Variants in IRS1 observed in about 807,000 individuals in gnomAD.
IRS1 encodes the protein insulin receptor substrate 1.
A neutral mutation model predicts 65.6 loss-of-function variants in IRS1; 34 were observed. The observed-to-expected ratio is 0.52, with a 90% confidence interval of 0.39 to 0.69. IRS1 has a LOEUF of 0.69. IRS1 is among the 30% of genes least tolerant of loss of function. IRS1 has a pLI of 0.00. For synonymous variants in IRS1, 699 were observed against 683.5 expected (o/e 1.02, Z -0.35); for missense variants, 1,641 against 1,720.2 (o/e 0.95, Z 0.81).
intron 1 of IRS1, among the ~76,000 whole-genome samples, chr2:226,742,082 C>A (rs745553206): frequency 6.6e-6 from 1 of 152,142 alleles, no homozygotes; most frequent in Admixed American, 6.5e-5. Flanking sequence ...GCGCTATTAA[C>A]TATGGTCATA....
chr2:226,799,548 G>A lies in IRS1; in HGVS notation c.-810C>T, dbSNP rs903693448. 1.9e-6 allele frequency: 2 copies of A among 1,071,836 alleles called. No individual in the cohort carries two copies. The highest frequency in any genetic ancestry group is 2.3e-6 in the Non-Finnish European group (2 of 871,456). 66.4% of individuals were successfully genotyped at this position (1,071,836 alleles called of 1,614,324 possible). A position where few individuals can be genotyped will look rare whatever the true frequency, so the allele number is the denominator to read the frequency against. On this transcript the variant is annotated 5_prime_UTR_variant, in exon 1 of 2. Transcript: ENST00000305123. The surrounding 1 kb of genome is among the most constrained non-coding windows in gnomAD (Gnocchi z 6.1). ...TCCCTGCCCCTCGCTCCAGGCGGCT[G>A]GGGAGGAGGGGAGGGGACAAGGGCG...
At chr2:226,737,020 C>T (rs1192469754) in intron 1 of IRS1, among the ~76,000 whole-genome samples, 1 of 151,626 alleles carries the variant, frequency 6.6e-6, no homozygotes, top group Non-Finnish European at 1.5e-5. Context: ...TATACATGTG[C>T]CATGCTGGTG....
chr2:226,786,622 T>G (rs1041129805), intron 1 of IRS1, among the ~76,000 whole-genome samples: 2 of 149,428 alleles, frequency 1.3e-5, no homozygotes, highest in Non-Finnish European at 3.0e-5. Flanking sequence ...GAAGCCTTAT[T>G]TTTCACTCTC....
intron 1 of IRS1, among the ~76,000 whole-genome samples, chr2:226,749,897 A>T (rs1938638973): frequency 6.6e-6 from 1 of 152,186 alleles, no homozygotes; most frequent in South Asian, 2.1e-4. Flanking sequence ...GCCATCAAAA[A>T]GTCTCAGGCC....
At chr2:226,739,473 G>A (rs765997198) in intron 1 of IRS1, among the ~76,000 whole-genome samples, 23 of 152,210 alleles carry the variant, frequency 1.5e-4, no homozygotes, top group Admixed American at 2.6e-4. Context: ...ATAGCAGCCA[G>A]TCTTAGCCCT....
chr2:226,782,965 A>G (rs1297224942), intron 1 of IRS1, among the ~76,000 whole-genome samples: 1 of 152,226 alleles, frequency 6.6e-6, no homozygotes, highest in Non-Finnish European at 1.5e-5. Context: ...ACACCACTGC[A>G]TGCCAGCCTG....
In IRS1 at chr2:226,798,829, T is replaced by G. The variant is rs942150215; in HGVS notation, c.-91A>C. On this transcript the variant is annotated 5_prime_UTR_variant, in exon 1 of 2. It removes an upstream start codon present in the reference 5' UTR. Transcript: ENST00000305123. This position sits in a 1 kb window ranked among gnomAD's most constrained non-coding sequence, Gnocchi z 9.4. Reference sequence around the variant, plus strand: ...AGGCTCCTCGCCGCGGCCCGGCACATGCAAACAGGGCTGGAGGCAGCAGAA... The same window carrying G: ...AGGCTCCTCGCCGCGGCCCGGCACAGGCAAACAGGGCTGGAGGCAGCAGAA... The G allele has an allele frequency of 1.9e-5, 29 of 1,548,672 alleles. No individual in the cohort carries two copies. The South Asian group carries it at 3.0e-4, about 16-fold the overall frequency.
In IRS1 at chr2:226,797,291, T is replaced by C; in HGVS notation, c.1448A>G (p.Tyr483Cys). 1 of 1,613,364 alleles carries C rather than the reference T, an allele frequency of 6.2e-7. No homozygotes were observed. The highest frequency in any genetic ancestry group is 8.5e-7 in the Non-Finnish European group (1 of 1,179,946). The part of the protein sequence containing the change: ...PSTLTAPNGH[Y>C]ILSRGGNGHR... ...GCCATTGCCACCCCGAGACAAAATG[T>C]AGTGACCGTTGGGGGCGGTCAGGGT... Residue 483 changes from tyrosine (Y) to cysteine (C), a missense_variant, in exon 1 of 2, where the codon TAC becomes TGC. By Grantham distance (194) the Tyr-to-Cys change is radical. Coordinates refer to ENST00000305123, the MANE Select transcript of IRS1 (RefSeq NM_005544.3). This position sits in a 1 kb window ranked among gnomAD's most constrained non-coding sequence, Gnocchi z 8.1.
chr2:226,759,292 G>A (rs568878723), intron 1 of IRS1, among the ~76,000 whole-genome samples: 4 of 152,188 alleles, frequency 2.6e-5, no homozygotes, highest in Non-Finnish European at 5.9e-5. Context: ...AAAGGAAAAC[G>A]TTTAGTCTGG....
At position 226,797,321 on chromosome 2, in the gene IRS1, G is replaced by A; in HGVS notation, c.1418C>T (p.Pro473Leu). 6.2e-7 allele frequency: 1 copy of A among 1,613,448 alleles called. No individual in the cohort carries two copies. The highest frequency in any genetic ancestry group is 8.5e-7 in the Non-Finnish European group (1 of 1,179,980). ...ACCGTTGGGGGCGGTCAGGGTGGAG[G>A]GCCCCTTGCCACCCATGCAGATATA... The part of the protein sequence containing the change: ...SNYICMGGKG[P>L]STLTAPNGHY... The change falls in exon 1 of 2, where the codon CCC (proline) becomes CTC (leucine). Residue 473 changes from proline (P) to leucine (L), a missense_variant. Coordinates refer to ENST00000305123, the MANE Select transcript of IRS1 (RefSeq NM_005544.3). This position sits in a 1 kb window ranked among gnomAD's most constrained non-coding sequence, Gnocchi z 8.1.
chr2:226,770,794 C>T (rs975649847), intron 1 of IRS1, among the ~76,000 whole-genome samples: 3 of 152,202 alleles, frequency 2.0e-5, no homozygotes, highest in African/African-American at 7.2e-5. Context: ...GCTGTATCAT[C>T]TTAACCAAGT....
At chr2:226,764,942 T>G (rs1939002505) in intron 1 of IRS1, among the ~76,000 whole-genome samples, 1 of 152,252 alleles carries the variant, frequency 6.6e-6, no homozygotes, top group Admixed American at 6.5e-5. Flanking sequence ...ATAGTGTACT[T>G]AGAAGTCTAT....
In IRS1 at chr2:226,798,775, G is replaced by T; in HGVS notation, c.-37C>A. 6.3e-7 allele frequency: 1 copy of T among 1,592,192 alleles called. No homozygotes were observed. Among genetic ancestry groups the T allele is most frequent in the East Asian group, 2.3e-5 (1 of 43,576 alleles). ...CACCACCAACGCTGAGCAGAGGGAGGCTCCGAAAAACAACCGGGTGGGGGG... is the reference window on the plus strand; with the variant it reads ...CACCACCAACGCTGAGCAGAGGGAGTCTCCGAAAAACAACCGGGTGGGGGG... On this transcript the variant is annotated 5_prime_UTR_variant, in exon 1 of 2. Transcript: ENST00000305123. This position sits in a 1 kb window ranked among gnomAD's most constrained non-coding sequence, Gnocchi z 9.4.
chr2:226,737,587 C>T (rs867108250), intron 1 of IRS1, among the ~76,000 whole-genome samples: 34 of 152,168 alleles, frequency 2.2e-4, no homozygotes, highest in African/African-American at 7.2e-4. Flanking sequence ...GGAAGCCCTG[C>T]CTTCTAGTAA....
intron 1 of IRS1, among the ~76,000 whole-genome samples, chr2:226,740,002 A>G (rs527967512): frequency 6.6e-6 from 1 of 152,352 alleles, no homozygotes; most frequent in Non-Finnish European, 1.5e-5. Flanking sequence ...CTGAAGGGAG[A>G]CAATTGACAG....
At chr2:226,738,125 G>A (rs796973607) in intron 1 of IRS1, among the ~76,000 whole-genome samples, 6 of 152,334 alleles carry the variant, frequency 3.9e-5, no homozygotes, top group African/African-American at 1.4e-4. Context: ...ACAAGGACAT[G>A]CTACATTGAC....
chr2:226,796,832 C>T lies in IRS1; in HGVS notation c.1907G>A (p.Ser636Asn), dbSNP rs777096116. Residue 636 changes from serine to asparagine, a missense_variant, in exon 1 of 2, where the codon AGC becomes AAC. This residue lies in a region of IRS1 where 1,324 missense variants were observed against 1,361.0 expected (regional missense o/e 0.97). Transcript: ENST00000305123. Reference sequence around the variant, plus strand: ...CTGTGGGGCAGATACGCTCTTGGGGCTCATGGGCATATAGTCTCCACTGCC... The same window carrying T: ...CTGTGGGGCAGATACGCTCTTGGGGTTCATGGGCATATAGTCTCCACTGCC... ...RKGSGDYMPM[S>N]PKSVSAPQQI... 12 of 1,558,098 alleles carry T rather than the reference C, an allele frequency of 7.7e-6. No homozygotes were observed. Among genetic ancestry groups the T allele is most frequent in the Non-Finnish European group, 1.0e-5 (12 of 1,150,122 alleles).
chr2:226,791,239 G>A (rs1485966937), intron 1 of IRS1, among the ~76,000 whole-genome samples: 2 of 152,086 alleles, frequency 1.3e-5, no homozygotes, highest in Non-Finnish European at 2.9e-5. Flanking sequence ...GGTTGAGGGG[G>A]GCGGGCAGGA....
rs375677810 is a variant in IRS1, at chr2:226,796,941, G to A, written c.1798C>T (p.Arg600Cys). 5.1e-6 allele frequency: 8 copies of A among 1,556,714 alleles called. No individual in the cohort carries two copies. The highest frequency in any genetic ancestry group is 1.4e-5 in the African/African-American group (1 of 73,746). Residue 600 changes from arginine (R) to cysteine (C), a missense_variant, in exon 1 of 2, where the codon CGC becomes TGC. Transcript: ENST00000305123. Reference sequence around the variant, plus strand: ...GTGTGGAGGGTGGAGCTGTCTGGGCGGTGGTGCCCCCCCCGACGCTCCAAG... The same window carrying A: ...GTGTGGAGGGTGGAGCTGTCTGGGCAGTGGTGCCCCCCCCGACGCTCCAAG... ...HPLERRGGHH[R>C]PDSSTLHTDD...
Sources: allele counts gnomAD v4.1 joint callset (sites outside exome capture counted in the v4.1 genomes callset), GRCh38; gene constraint gnomAD v4.1.1; regional missense constraint gnomAD v4.1.1; non-coding constraint Gnocchi (gnomAD v3.1); transcripts MANE v1.5; gene names NCBI Gene and HGNC (gene_info 2026-07-23, HGNC 2026-07-21).